GRM3: variants seen among roughly 807,000 people sequenced by gnomAD.
The protein encoded by GRM3 is metabotropic glutamate receptor 3.
In GRM3, 26 loss-of-function variants were observed where a neutral mutation model predicts 70.5. That is an observed-to-expected ratio of 0.37 (90% confidence interval 0.27 to 0.51). GRM3 has a LOEUF of 0.51. GRM3 is among the 20% of genes least tolerant of loss of function. The probability of loss-of-function intolerance (pLI) is 0.93; values close to 1 mark genes in which losing one functional copy is unlikely to be tolerated. For missense variants in GRM3, 859 were observed against 1,123.8 expected (o/e 0.76, Z 3.37); for synonymous variants, 443 against 434.9 (o/e 1.02, Z -0.23).
chr7:86,862,474 A>G (rs562513677), intron 5 of GRM3, among the ~76,000 whole-genome samples: 2 of 152,278 alleles, frequency 1.3e-5, no homozygotes, highest in South Asian at 4.1e-4. Flanking sequence ...CTGTGTTACC[A>G]ATTTCTTCAT....
At chr7:86,798,819 C>A (rs1398281541) in intron 3 of GRM3, among the ~76,000 whole-genome samples, 4 of 152,130 alleles carry the variant, frequency 2.6e-5, no homozygotes, top group Admixed American at 6.5e-5. Flanking sequence ...ATGGGTGGGA[C>A]CCAGTGGGAG....
chr7:86,688,765 CATAT>C (rs987423152), intron 1 of GRM3, among the ~76,000 whole-genome samples: 9 of 147,508 alleles, frequency 6.1e-5, no homozygotes, highest in Admixed American at 1.4e-4. Flanking sequence ...ATATCTCTCA[CATAT>C]ATAATATGTG....
chr7:86,695,365 A>G (rs1014128169), intron 1 of GRM3, among the ~76,000 whole-genome samples: 1 of 152,186 alleles, frequency 6.6e-6, no homozygotes. Flanking sequence ...TAGAATTAAA[A>G]TCTTTCCATA....
chr7:86,770,501 C>A (rs887706376), intron 2 of GRM3, among the ~76,000 whole-genome samples: 1 of 152,060 alleles, frequency 6.6e-6, no homozygotes, highest in African/African-American at 2.4e-5. Flanking sequence ...AGAATAACTC[C>A]TGAAATTAAA....
At chr7:86,645,534 G>A (rs908279212) in intron 1 of GRM3, among the ~76,000 whole-genome samples, 2 of 152,158 alleles carry the variant, frequency 1.3e-5, no homozygotes, top group African/African-American at 2.4e-5. Context: ...CAGAGAGGGC[G>A]GGAGATTTGC....
intron 3 of GRM3, among the ~76,000 whole-genome samples, chr7:86,796,862 G>A (rs1324396581): frequency 6.6e-6 from 1 of 152,088 alleles, no homozygotes; most frequent in Admixed American, 6.5e-5. Flanking sequence ...TGAATCATGG[G>A]GGCAGGTCTT....
chr7:86,712,949 A>G (rs929708036), intron 1 of GRM3, among the ~76,000 whole-genome samples: 3 of 152,104 alleles, frequency 2.0e-5, no homozygotes, highest in South Asian at 2.1e-4. Context: ...AAAAATGCAG[A>G]TATCTTTGAT....
chr7:86,723,336 G>A lies in GRM3; in HGVS notation c.-140-41670G>A, dbSNP rs139478574. Among the ~76,000 whole-genome samples the A allele has an allele frequency of 3.9e-3, 599 of 152,236 alleles. 5 individuals are homozygous for A. The highest frequency in any genetic ancestry group is 0.013 in the African/African-American group (556 of 41,546). ...AGAAATTGGAATTACCTACTCTAGA[G>A]AATGCTGGCAAGTGATATTCTTCTA... On this transcript the variant is annotated intron_variant, in intron 1 of 5. Transcript: ENST00000361669.
intron 3 of GRM3, among the ~76,000 whole-genome samples, chr7:86,823,641 G>A (rs1034325359): frequency 4.2e-5 from 6 of 143,618 alleles, no homozygotes; most frequent in African/African-American, 7.9e-5. Flanking sequence ...GGGGCTGTGG[G>A]ATAGGATTTA....
chr7:86,764,986 T>C lies in GRM3; in HGVS notation c.-140-20T>C. ...TTGCTTTCTTTACCATTTTTGTTCA[T>C]ATAATTTTTATCTCTTTAGGAATTT... On this transcript the variant is annotated intron_variant, in intron 1 of 5. Transcript: ENST00000361669. 7.0e-7 allele frequency: 1 copy of C among 1,437,786 alleles called. No individual in the cohort carries two copies. The highest frequency in any genetic ancestry group is 1.6e-5 in the South Asian group (1 of 62,558). 89.1% of individuals were successfully genotyped at this position (1,437,786 alleles called of 1,614,324 possible). A position where few individuals can be genotyped will look rare whatever the true frequency, so the allele number is the denominator to read the frequency against.
chr7:86,843,692 C>T (rs1448027191), intron 4 of GRM3, among the ~76,000 whole-genome samples: 2 of 152,108 alleles, frequency 1.3e-5, no homozygotes, highest in Non-Finnish European at 2.9e-5. Flanking sequence ...TATTTGAGGA[C>T]TTATTATAGG....
intron 1 of GRM3, among the ~76,000 whole-genome samples, chr7:86,656,310 G>A (rs1399806087): frequency 1.6e-5 from 2 of 125,632 alleles, no homozygotes; most frequent in East Asian, 2.5e-4. Context: ...GTGTTGCCCA[G>A]GCTGGAGTGC....
Position 86,755,578 on chromosome 7 carries a change from T to A in GRM3, c.-140-9428T>A, listed in dbSNP as rs147718332. On this transcript the variant is annotated intron_variant, in intron 1 of 5. Coordinates refer to ENST00000361669, the MANE Select transcript of GRM3 (RefSeq NM_000840.3). ...TGGTAGGATTGGCTATACACCAACT[T>A]GATGGAAATATTTAAATATTTTAAC... 1.2e-3 allele frequency among the ~76,000 whole-genome samples: 186 copies of A among 152,248 alleles called. 2 individuals are homozygous for A. The highest frequency in any genetic ancestry group is 4.3e-3 in the African/African-American group (178 of 41,546).
intron 2 of GRM3, among the ~76,000 whole-genome samples, chr7:86,765,885 T>A (rs1434479936): frequency 6.6e-6 from 1 of 152,162 alleles, no homozygotes; most frequent in African/African-American, 2.4e-5. Flanking sequence ...TTTATTAGTT[T>A]ACAAGTCTAA....
intron 4 of GRM3, among the ~76,000 whole-genome samples, chr7:86,840,354 A>C (rs1166782872): frequency 2.0e-5 from 3 of 152,204 alleles, no homozygotes; most frequent in Non-Finnish European, 4.4e-5. Flanking sequence ...ATATTAAGCC[A>C]GGATAAGTTT....
At chr7:86,662,263 A>G (rs764857181) in intron 1 of GRM3, among the ~76,000 whole-genome samples, 38 of 151,900 alleles carry the variant, frequency 2.5e-4, no homozygotes, top group Non-Finnish European at 7.4e-5. Context: ...CTTGAAAATA[A>G]GAATGGTATC....
chr7:86,650,312 C>A (rs1180939040), intron 1 of GRM3, among the ~76,000 whole-genome samples: 1 of 151,888 alleles, frequency 6.6e-6, no homozygotes, highest in African/African-American at 2.4e-5. Flanking sequence ...TATTCTAAGA[C>A]CTATTTTCTT....
Position 86,858,654 on chromosome 7 carries a change from T to C in GRM3, c.2567-5628T>C, listed in dbSNP as rs1000973020. ...TTTATAAATTACCTAGTAAGTGATA[T>C]TCTGTCACAGAAACAGAAAATGGAC... On this transcript the variant is annotated intron_variant, in intron 5 of 5. Transcript: ENST00000361669. Among the ~76,000 whole-genome samples the C allele has an allele frequency of 1.4e-4, 22 of 152,234 alleles. 1 individual carries two copies. The highest frequency in any genetic ancestry group is 2.9e-5 in the Non-Finnish European group (2 of 68,040).
chr7:86,858,817 T>C (rs1798900838), intron 5 of GRM3, among the ~76,000 whole-genome samples: 1 of 152,174 alleles, frequency 6.6e-6, no homozygotes. Context: ...ACAGTTCTAC[T>C]CCCCATTTGG....
Sources: allele counts gnomAD v4.1 joint callset (sites outside exome capture counted in the v4.1 genomes callset), GRCh38; gene constraint gnomAD v4.1.1; transcripts MANE v1.5; gene names NCBI Gene and HGNC (gene_info 2026-07-23, HGNC 2026-07-21).